AGAP1: variants seen among roughly 807,000 people sequenced by gnomAD.
AGAP1 encodes the protein ArfGAP with GTPase domain, ankyrin repeat and PH domain 1.
Under a neutral mutation model 105.3 loss-of-function variants are expected in AGAP1, and 29 were observed. That is an observed-to-expected ratio of 0.28 (90% CI 0.21 to 0.38). The LOEUF (loss-of-function observed/expected upper bound fraction) is 0.38. Ranked by LOEUF, AGAP1 falls within the 10% of genes least tolerant of loss-of-function variation. AGAP1 has a pLI of 1.00. For missense variants in AGAP1, 998 were observed against 1,165.1 expected, an observed-to-expected ratio of 0.86 and a Z score of 2.09; for synonymous variants, 509 against 485.9, an observed-to-expected ratio of 1.05 and a Z score of -0.63.
rs368905084 is a variant in AGAP1, at chr2:236,105,328, C to T, written c.2115-14864C>T. Among the ~76,000 whole-genome samples the T allele has an allele frequency of 6.6e-6, 1 of 151,982 alleles. No individual in the cohort carries two copies. The highest frequency in any genetic ancestry group is 2.4e-5 in the African/African-American group (1 of 41,382). On this transcript the variant is annotated intron_variant, in intron 16 of 17. Transcript: ENST00000304032. This position sits in a 1 kb window ranked among gnomAD's most constrained non-coding sequence, Gnocchi z 4.2. Reference sequence around the variant, plus strand: ...AGGTAAGGGGGAAAGATGGGCGGAGCGGGGGACCAAGGACAGAGAGGAAGA... The same window carrying T: ...AGGTAAGGGGGAAAGATGGGCGGAGTGGGGGACCAAGGACAGAGAGGAAGA...
At chr2:235,649,213 G>C (rs1436327595) in intron 1 of AGAP1, among the ~76,000 whole-genome samples, 1 of 152,166 alleles carries the variant, frequency 6.6e-6, no homozygotes. Context: ...TTGTGGGGCA[G>C]TGGGAACATC....
At chr2:235,518,979 A>G (rs1942509522) in intron 1 of AGAP1, among the ~76,000 whole-genome samples, 1 of 152,224 alleles carries the variant, frequency 6.6e-6, no homozygotes, top group Non-Finnish European at 1.5e-5. Context: ...GAACAGCAGA[A>G]GGGTCAGAGC....
At position 236,070,170 on chromosome 2, in the gene AGAP1, G is replaced by C. The variant is rs78958492; in HGVS notation, c.2114+20889G>C. 5.6e-3 allele frequency among the ~76,000 whole-genome samples: 859 copies of C among 152,356 alleles called. 9 individuals carry two copies. The highest frequency in any genetic ancestry group is 0.02 in the African/African-American group (825 of 41,580). On this transcript the variant is annotated intron_variant, in intron 16 of 17. Coordinates refer to ENST00000304032, the MANE Select transcript of AGAP1 (RefSeq NM_001037131.3). The stretch of plus-strand genomic sequence containing the variant: ...GCAGCCATGACCCGCACCCTCCCCA[G>C]ACTCAGTTTCCTCCTCTGGAAGTGG...
intron 6 of AGAP1, among the ~76,000 whole-genome samples, chr2:235,762,169 C>G (rs947189380): frequency 3.3e-5 from 5 of 150,598 alleles, no homozygotes; most frequent in Non-Finnish European, 5.9e-5. Flanking sequence ...GTCCTTTTTT[C>G]TAAGTAAACT....
intron 3 of AGAP1, among the ~76,000 whole-genome samples, chr2:235,731,467 G>A (rs868844297): frequency 2.6e-5 from 4 of 152,158 alleles, no homozygotes; most frequent in Non-Finnish European, 4.4e-5. Context: ...GGGAAAAGAC[G>A]TATCCTGGAT....
At chr2:236,118,074 A>C (rs1390112981) in intron 16 of AGAP1, among the ~76,000 whole-genome samples, 1 of 152,228 alleles carries the variant, frequency 6.6e-6, no homozygotes, top group African/African-American at 2.4e-5. Context: ...TGTTTGCCTT[A>C]GTATTTAAAA....
intron 6 of AGAP1, among the ~76,000 whole-genome samples, chr2:235,784,615 A>AG (rs1491077981): frequency 6.8e-6 from 1 of 147,482 alleles, no homozygotes; most frequent in African/African-American, 2.5e-5. Flanking sequence ...AAAAAAAAAA[A>AG]ACCATGAAAA....
intron 1 of AGAP1, among the ~76,000 whole-genome samples, chr2:235,618,718 T>C (rs1946383669): frequency 6.6e-6 from 1 of 152,216 alleles, no homozygotes; most frequent in Non-Finnish European, 1.5e-5. Flanking sequence ...ATGTGGTATG[T>C]ATAATCTTAT....
Position 235,701,747 on chromosome 2 carries a change from T to C in AGAP1, c.164-7432T>C, listed in dbSNP as rs1208697340. Among the ~76,000 whole-genome samples the C allele has an allele frequency of 6.6e-6, 1 of 152,204 alleles. No homozygotes were observed. The highest frequency in any genetic ancestry group is 1.5e-5 in the Non-Finnish European group (1 of 68,038). On this transcript the variant is annotated intron_variant, in intron 1 of 17. Coordinates refer to ENST00000304032, the MANE Select transcript of AGAP1 (RefSeq NM_001037131.3). The surrounding 1 kb of genome is among the most constrained non-coding windows in gnomAD (Gnocchi z 4.1). ...CTGATCCAGTTTGCAGCGGGCTCTT[T>C]TCCGGCTGCGTTGAAATGGATTTCT... is the stretch of plus-strand genomic sequence containing the variant.
Position 235,612,579 on chromosome 2 carries a change from G to A in AGAP1, c.164-96600G>A, listed in dbSNP as rs150195829. ...AAGGGAAAAGAACGTGACTGTGTGG[G>A]GGTCTCCCTGACTCCTTAGAACCTG... On this transcript the variant is annotated intron_variant, in intron 1 of 17. Coordinates refer to ENST00000304032, the MANE Select transcript of AGAP1 (RefSeq NM_001037131.3). The surrounding 1 kb of genome is among the most constrained non-coding windows in gnomAD (Gnocchi z 4.3). Among the ~76,000 whole-genome samples, 9 of 152,312 alleles carry A rather than the reference G, an allele frequency of 5.9e-5. No homozygotes were observed. In the East Asian group the frequency reaches 1.4e-3, roughly 23 times the overall value.
rs995989480 is a variant in AGAP1 at position 236,002,182 on chromosome 2, C to G, written c.1645+33559C>G. On this transcript the variant is annotated intron_variant, in intron 13 of 17. Coordinates refer to ENST00000304032, the MANE Select transcript of AGAP1 (RefSeq NM_001037131.3). This position sits in a 1 kb window ranked among gnomAD's most constrained non-coding sequence, Gnocchi z 4.3. ...TCCATTTGTTACTGAGTCATTCATT[C>G]AGCAGACTCGTTGAGAACATGTGTG... Among the ~76,000 whole-genome samples, 4 of 152,234 alleles carry G rather than the reference C, an allele frequency of 2.6e-5. No individual in the cohort carries two copies. The highest frequency in any genetic ancestry group is 5.9e-5 in the Non-Finnish European group (4 of 68,048).
chr2:235,670,417 G>A, intron 1 of AGAP1: 2 of 562,918 alleles, frequency 3.6e-6, no homozygotes, highest in Admixed American at 2.8e-5. Context: ...TGGAACTGGG[G>A]CGGCTCCGGC....
rs1559711518 is a variant in AGAP1 at position 235,971,776 on chromosome 2, T to TTGATTG, written c.1645+3153_1645+3154insTGATTG. On this transcript the variant is annotated intron_variant, in intron 13 of 17. Coordinates refer to ENST00000304032, the MANE Select transcript of AGAP1 (RefSeq NM_001037131.3). The surrounding 1 kb of genome is among the most constrained non-coding windows in gnomAD (Gnocchi z 4.8). ...TTATTTATTTATTTATTTATTTATT[T>TTGATTG]ATTTATTTATTGTATTTTTTGAGAC... Among the ~76,000 whole-genome samples the TTGATTG allele has an allele frequency of 5.2e-4, 76 of 145,958 alleles. No individual in the cohort carries two copies. The highest frequency in any genetic ancestry group is 1.9e-3 in the African/African-American group (74 of 38,130).
At chr2:235,892,260 C>T (rs567079982) in intron 10 of AGAP1, among the ~76,000 whole-genome samples, 3 of 152,160 alleles carry the variant, frequency 2.0e-5, no homozygotes, top group Admixed American at 6.5e-5. Context: ...TGGAATTTTC[C>T]TTCTTAAATT....
rs1373451662 is a variant in AGAP1 at position 235,724,806 on chromosome 2, G to A, written c.310+7162G>A. On this transcript the variant is annotated intron_variant, in intron 3 of 17. Transcript: ENST00000304032. The surrounding 1 kb of genome is among the most constrained non-coding windows in gnomAD (Gnocchi z 4.9). The stretch of plus-strand genomic sequence containing the variant: ...GTCGAGTTTCTGAGCATAAGTCATA[G>A]GAAATTCTCAAACATACTTTTGCTT... Among the ~76,000 whole-genome samples the A allele has an allele frequency of 6.6e-6, 1 of 152,168 alleles. No individual in the cohort carries two copies. The highest frequency in any genetic ancestry group is 1.5e-5 in the Non-Finnish European group (1 of 68,036).
chr2:235,754,728 C>G lies in AGAP1; in HGVS notation c.673+4240C>G, dbSNP rs1420217622. On this transcript the variant is annotated intron_variant, in intron 6 of 17. Coordinates refer to ENST00000304032, the MANE Select transcript of AGAP1 (RefSeq NM_001037131.3). This position sits in a 1 kb window ranked among gnomAD's most constrained non-coding sequence, Gnocchi z 4.6. ...AGGCTGGTTCATCCACCCAGTCACTCGTTCATCTGAGCACCAGCTTCCCAC... is the reference window on the plus strand; with the variant it reads ...AGGCTGGTTCATCCACCCAGTCACTGGTTCATCTGAGCACCAGCTTCCCAC... 6.6e-6 allele frequency among the ~76,000 whole-genome samples: 1 copy of G among 152,192 alleles called. No homozygotes were observed. The highest frequency in any genetic ancestry group is 2.4e-5 in the African/African-American group (1 of 41,450).
At chr2:235,760,859 G>A (rs1174191336) in intron 6 of AGAP1, among the ~76,000 whole-genome samples, 4 of 152,180 alleles carry the variant, frequency 2.6e-5, no homozygotes, top group African/African-American at 9.7e-5. Flanking sequence ...AAGTGTGATG[G>A]GATTATAGGC....
chr2:235,622,475 A>G lies in AGAP1; in HGVS notation c.164-86704A>G, dbSNP rs927138042. On this transcript the variant is annotated intron_variant, in intron 1 of 17. Transcript: ENST00000304032. This position sits in a 1 kb window ranked among gnomAD's most constrained non-coding sequence, Gnocchi z 5.0. ...GTGCCTGGACTCAATCTGCAGAGACAGGTGTCTGGGATCTGAAGACAGCAG... is the reference window on the plus strand; with the variant it reads ...GTGCCTGGACTCAATCTGCAGAGACGGGTGTCTGGGATCTGAAGACAGCAG... 2.0e-5 allele frequency among the ~76,000 whole-genome samples: 3 copies of G among 152,124 alleles called. No homozygotes were observed. Among genetic ancestry groups the G allele is most frequent in the African/African-American group, 7.2e-5 (3 of 41,406 alleles).
At position 235,514,162 on chromosome 2, in the gene AGAP1, G is replaced by GCGCACACACA. The variant is rs1003208197; in HGVS notation, c.163+19314_163+19315insGCACACACAC. ...TGCCAGTGCATGCGCGTGCGCGCGC[G>GCGCACACACA]CACACACACACACACACACACATAC... On this transcript the variant is annotated intron_variant, in intron 1 of 17. Coordinates refer to ENST00000304032, the MANE Select transcript of AGAP1 (RefSeq NM_001037131.3). Among the ~76,000 whole-genome samples, 32 of 150,508 alleles carry GCGCACACACA rather than the reference G, an allele frequency of 2.1e-4. 1 individual carries two copies. Among genetic ancestry groups the GCGCACACACA allele is most frequent in the African/African-American group, 6.8e-4 (28 of 41,144 alleles).
Sources: allele counts gnomAD v4.1 joint callset (sites outside exome capture counted in the v4.1 genomes callset), GRCh38; gene constraint gnomAD v4.1.1; non-coding constraint Gnocchi (gnomAD v3.1); transcripts MANE v1.5; gene names NCBI Gene and HGNC (gene_info 2026-07-23, HGNC 2026-07-21).